Variants in NBPF3 observed in about 807,000 individuals in gnomAD.
NBPF3 encodes NBPF member 3, also known as NBPF family member NBPF3.
Under a neutral mutation model 78.1 loss-of-function variants are expected in NBPF3, and 57 were observed. The observed-to-expected ratio is 0.73, with a 90% CI of 0.59 to 0.91. The LOEUF (loss-of-function observed/expected upper bound fraction) is 0.91. Among genes scored for constraint, NBPF3 ranks in the 40% least tolerant of loss-of-function variants. The pLI, the probability that NBPF3 is intolerant of heterozygous loss-of-function variation, is 0.00. For synonymous variants in NBPF3, 182 were observed against 271.7 expected, an observed-to-expected ratio of 0.67 and a Z score of 3.25; for missense variants, 510 against 715.3, an observed-to-expected ratio of 0.71 and a Z score of 3.27.
intron 2 of NBPF3, chr1:21,453,754 A>G (rs1280188769): frequency 6.6e-6 from 1 of 152,240 alleles, no homozygotes; most frequent in African/African-American, 2.4e-5. Flanking sequence ...CAGAGACCTG[A>G]TGGAGTCACC....
chr1:21,452,618 G>C (rs1359599260), intron 2 of NBPF3, among the ~76,000 whole-genome samples: 4 of 152,198 alleles, frequency 2.6e-5, no homozygotes, highest in Admixed American at 1.3e-4. Context: ...TTAAATTCAG[G>C]CAGGTTTATT....
chr1:21,448,328 A>AT (rs1452310863), intron 2 of NBPF3, among the ~76,000 whole-genome samples: 2 of 150,752 alleles, frequency 1.3e-5, no homozygotes, highest in African/African-American at 4.9e-5. Context: ...TGGATTTATT[A>AT]TTATTTTTTT....
At chr1:21,463,979 C>G (rs6426703) in intron 2 of NBPF3, among the ~76,000 whole-genome samples, 2 of 152,174 alleles carry the variant, frequency 1.3e-5, no homozygotes, top group Non-Finnish European at 2.9e-5. Context: ...TGGAGAATAT[C>G]GAATTCTCAT....
chr1:21,468,920 C>G, intron 3 of NBPF3, 23 bp downstream of exon 3: 2 of 1,557,646 alleles, frequency 1.3e-6, no homozygotes, highest in African/African-American at 1.4e-5. Context: ...GGCTCACCAT[C>G]ACAAAAGCGA....
chr1:21,456,501 G>T (rs1641610854), intron 2 of NBPF3, among the ~76,000 whole-genome samples: 2 of 151,934 alleles, frequency 1.3e-5, no homozygotes, highest in Admixed American at 1.3e-4. Flanking sequence ...TTTGTTAAAA[G>T]TTTATAATTA....
At chr1:21,441,293 T>C (rs1451120862) in intron 1 of NBPF3, among the ~76,000 whole-genome samples, 2 of 152,220 alleles carry the variant, frequency 1.3e-5, no homozygotes, top group African/African-American at 4.8e-5. Flanking sequence ...AAAATTTCAC[T>C]AGTGAACCAG....
upstream of NBPF3, among the ~76,000 whole-genome samples, chr1:21,439,937 G>C (rs1156703339): frequency 1.3e-5 from 2 of 152,190 alleles, no homozygotes; most frequent in African/African-American, 4.8e-5. Flanking sequence ...GGGATTCCCC[G>C]TCCCAGCTGC....
chr1:21,440,856 C>G (rs188479403), intron 1 of NBPF3: 1 of 152,388 alleles, frequency 6.6e-6, no homozygotes, highest in Non-Finnish European at 1.5e-5. Flanking sequence ...GCGTTTGTAG[C>G]CATCACTGAA....
chr1:21,466,570 C>T (rs1474765673), intron 2 of NBPF3, among the ~76,000 whole-genome samples: 1 of 152,238 alleles, frequency 6.6e-6, no homozygotes, highest in African/African-American at 2.4e-5. Context: ...CAGGGGAATT[C>T]CAGGTGATAG....
chr1:21,444,296 T>TA (rs1421368843), intron 1 of NBPF3, among the ~76,000 whole-genome samples: 1 of 152,258 alleles, frequency 6.6e-6, no homozygotes, highest in Non-Finnish European at 1.5e-5. Context: ...TAAACCTTCG[T>TA]ATGTGTAGCT....
intron 2 of NBPF3, among the ~76,000 whole-genome samples, chr1:21,451,520 G>T (rs1641309351): frequency 6.6e-6 from 1 of 152,204 alleles, no homozygotes; most frequent in Non-Finnish European, 1.5e-5. Flanking sequence ...CTGGAGACAG[G>T]CTGATGACTT....
intron 1 of NBPF3, among the ~76,000 whole-genome samples, chr1:21,444,682 C>T (rs1466276250): frequency 1.3e-5 from 2 of 152,150 alleles, no homozygotes; most frequent in Non-Finnish European, 2.9e-5. Context: ...CTCAGCCTCC[C>T]GAGTAGCTGG....
At chr1:21,473,018 C>G in intron 6 of NBPF3, 103 bp downstream of exon 6, 1 of 890,670 alleles carries the variant, frequency 1.1e-6, no homozygotes, top group Non-Finnish European at 1.9e-6. Flanking sequence ...AGCCTGCATT[C>G]CCTTGGCCAC....
At chr1:21,481,449 C>T in intron 12 of NBPF3, 148 bp from the exon 13 acceptor site, 1 of 1,033,520 alleles carries the variant, frequency 9.7e-7, no homozygotes, top group Non-Finnish European at 1.4e-6. Flanking sequence ...CTGTGCCATC[C>T]CAACTGAGGG....
intron 2 of NBPF3, chr1:21,468,421 T>G (rs1376197887): frequency 2.2e-6 from 3 of 1,354,766 alleles, no homozygotes. Context: ...CACCTTCTAA[T>G]TCTGTTATTG....
At chr1:21,467,607 G>A (rs1281451232) in intron 2 of NBPF3, among the ~76,000 whole-genome samples, 1 of 152,148 alleles carries the variant, frequency 6.6e-6, no homozygotes, top group African/African-American at 2.4e-5. Flanking sequence ...CATAAGAACC[G>A]CCGCTCATGG....
rs1037009343 is a variant in NBPF3 at position 21,443,615 on chromosome 1, A to AT, written c.-139-1320dup. ...AATAGTTTTAGGACTACATAGAATA[A>AT]TTTTTTTTTTTTTCTTGAGACAGTG... On this transcript the variant is annotated intron_variant, in intron 1 of 14. Transcript: ENST00000318249. Among the ~76,000 whole-genome samples, 272 of 146,974 alleles carry AT rather than the reference A, an allele frequency of 1.9e-3. No individual in the cohort carries two copies. In the Middle Eastern group the frequency reaches 0.025, roughly 13 times the overall value.
intron 4 of NBPF3, 77 bp from the exon 5 acceptor site, chr1:21,471,492 A>G: frequency 6.2e-7 from 1 of 1,605,862 alleles, no homozygotes; most frequent in Non-Finnish European, 8.5e-7. Context: ...ATTGTCTCAG[A>G]AATCTGTGTT....
Position 21,478,136 on chromosome 1 carries a change from C to T in NBPF3, c.993-8C>T. ...CTTCTGTCATCCCTGTCCTGCCTGG[C>T]TCATCAGGAATCTGCAGGAGTCTGA... is the stretch of plus-strand genomic sequence containing the variant. On this transcript the variant is annotated splice_region_variant and splice_polypyrimidine_tract_variant and intron_variant, in intron 8 of 14. Transcript: ENST00000318249. 6.2e-7 allele frequency: 1 copy of T among 1,613,840 alleles called. No individual in the cohort carries two copies. The highest frequency in any genetic ancestry group is 8.5e-7 in the Non-Finnish European group (1 of 1,180,016).
Sources: allele counts gnomAD v4.1 joint callset (sites outside exome capture counted in the v4.1 genomes callset), GRCh38; gene constraint gnomAD v4.1.1; transcripts MANE v1.5; gene names NCBI Gene and HGNC (gene_info 2026-07-23, HGNC 2026-07-21).